The following MYOF variants were observed in gnomAD, a reference collection of about 807,000 sequenced individuals.
MYOF encodes fer-1-like 3, myoferlin.
A neutral mutation model predicts 284.2 loss-of-function variants in MYOF; 244 were observed. The ratio of observed to expected loss-of-function variants is 0.86; its 90% CI spans 0.77 to 0.95. MYOF has a LOEUF of 0.95. MYOF is among the 40% of genes least tolerant of loss of function. The probability of loss-of-function intolerance (pLI) is 0.00; values close to 1 mark genes in which losing one functional copy is unlikely to be tolerated. For missense variants in MYOF, 2,496 were observed against 2,560.6 expected, an observed-to-expected ratio of 0.97 and a Z score of 0.54; for synonymous variants, 904 against 919.7, an observed-to-expected ratio of 0.98 and a Z score of 0.31.
chr10:93,395,286 T>A (rs552649793), intron 16 of MYOF, among the ~76,000 whole-genome samples: 134 of 152,130 alleles, frequency 8.8e-4, no homozygotes, highest in African/African-American at 3.1e-3. Context: ...CTACTACAAA[T>A]ACAAAAATTA....
chr10:93,314,699 T>G (rs1842539353), intron 50 of MYOF, among the ~76,000 whole-genome samples: 1 of 152,220 alleles, frequency 6.6e-6, no homozygotes, highest in Non-Finnish European at 1.5e-5. Context: ...TGTGCTCACT[T>G]GGCATTTTGA....
Position 93,323,124 on chromosome 10 carries a change from C to T in MYOF, c.5410G>A (p.Glu1804Lys), listed in dbSNP as rs202057196. Residue 1804 changes from glutamate (E) to lysine (K), a missense_variant, in exon 48 of 54, where the codon GAG becomes AAG. Glu to Lys is a moderately conservative substitution (Grantham distance 56). This residue lies in a region of MYOF where 2,436 missense variants were observed against 2,480.7 expected (regional missense o/e 0.98). Coordinates refer to ENST00000359263, the MANE Select transcript of MYOF (RefSeq NM_013451.4). The part of the protein sequence containing the change: ...IWNTKDVILD[E>K]KSITGEEMSD... ...ATTTCCTCTCCTGTGATGCTTTTCT[C>T]GTCCAAGATAACGTCCTTGGTGTTC... 2.2e-5 allele frequency: 35 copies of T among 1,614,174 alleles called. No homozygotes were observed. The Admixed American group carries it at 3.2e-4, about 15-fold the overall frequency.
At position 93,363,920 on chromosome 10, in the gene MYOF, A is replaced by G. The variant is rs1050964633; in HGVS notation, c.2868+41T>C. The G allele has an allele frequency of 1.4e-5, 22 of 1,578,168 alleles. No homozygotes were observed. The South Asian group carries it at 2.2e-4, about 16-fold the overall frequency. On this transcript the variant is annotated intron_variant, in intron 27 of 53. Coordinates refer to ENST00000359263, the MANE Select transcript of MYOF (RefSeq NM_013451.4). ...TGGGTTCCCCGCAGATCACGATCAG[A>G]GGTGACAGGTGAGAGTTTCTCTCCG...
chr10:93,411,621 G>A (rs1354001769), intron 5 of MYOF, among the ~76,000 whole-genome samples: 1 of 152,184 alleles, frequency 6.6e-6, no homozygotes, highest in Non-Finnish European at 1.5e-5. Context: ...TCCATGGGCA[G>A]CACAGCAGGC....
chr10:93,359,065 C>T (rs540802649), intron 29 of MYOF, among the ~76,000 whole-genome samples: 1 of 152,244 alleles, frequency 6.6e-6, no homozygotes, highest in South Asian at 2.1e-4. Flanking sequence ...TCTTTGCTTC[C>T]AGAAGCTCAC....
In MYOF at chr10:93,426,102, G is replaced by T. The variant is rs1296841849; in HGVS notation, c.402C>A (p.Asp134Glu). 1.3e-6 allele frequency: 2 copies of T among 1,560,714 alleles called. No homozygotes were observed. Among genetic ancestry groups the T allele is most frequent in the East Asian group, 2.4e-5 (1 of 41,998 alleles). The stretch of plus-strand genomic sequence containing the variant: ...TGCCTGGCACGCTGGGCCCGCTCAG[G>T]TCATTTGGATGTGGAGCAGAAGGCG... The part of the protein sequence containing the change: ...YDPPSAPHPN[D>E]LSGPSVPGMG... Residue 134 changes from aspartate (D) to glutamate (E), a missense_variant, in exon 5 of 54, where the codon GAC (aspartate) becomes GAA (glutamate). Asp to Glu is a conservative substitution (Grantham distance 45). Transcript: ENST00000359263.
At chr10:93,322,989 C>T in intron 48 of MYOF, 89 bp downstream of exon 48, 1 of 1,292,280 alleles carries the variant, frequency 7.7e-7, no homozygotes, top group Non-Finnish European at 1.1e-6. Flanking sequence ...ACCAAGAATC[C>T]TATCTTGGGC....
At chr10:93,420,478 G>T (rs1442619991) in intron 5 of MYOF, among the ~76,000 whole-genome samples, 1 of 152,118 alleles carries the variant, frequency 6.6e-6, no homozygotes, top group East Asian at 1.9e-4. Flanking sequence ...GTGCCCTAAG[G>T]TCTCTACCTT....
At chr10:93,344,715 A>G (rs1396470413) in intron 37 of MYOF, among the ~76,000 whole-genome samples, 3 of 112,154 alleles carry the variant, frequency 2.7e-5, no homozygotes, top group Non-Finnish European at 5.1e-5. Context: ...CATGTATCCC[A>G]GAACTTAAAT....
intron 29 of MYOF, among the ~76,000 whole-genome samples, chr10:93,358,934 C>T (rs894301099): frequency 3.3e-5 from 5 of 151,334 alleles, no homozygotes; most frequent in African/African-American, 4.9e-5. Context: ...ACATGTATCT[C>T]GGAACTTAAA....
At chr10:93,406,382 G>A (rs2134110951) in intron 7 of MYOF, among the ~76,000 whole-genome samples, 1 of 141,642 alleles carries the variant, frequency 7.1e-6, no homozygotes, top group African/African-American at 2.5e-5. Flanking sequence ...TTAATGTACT[G>A]GACTTCTCTT....
rs764965243 is a variant in MYOF at position 93,381,381 on chromosome 10, G to A, written c.1714C>T (p.Arg572Trp). Residue 572 changes from arginine to tryptophan, a missense_variant, in exon 20 of 54, where the codon CGG becomes TGG. Transcript: ENST00000359263. ...AACACGGCAGACAGGCTGTACTTCC[G>A]CCTTCGCTGGTATTTCTATAAAGTA... ...LLVVEKYQRR[R>W]KYSLSAVFHS... 27 of 1,614,018 alleles carry A rather than the reference G, an allele frequency of 1.7e-5. No individual in the cohort carries two copies. Among genetic ancestry groups the A allele is most frequent in the Admixed American group, 1.7e-4 (10 of 59,998 alleles).
At chr10:93,449,580 T>A (rs778924964) in intron 3 of MYOF, among the ~76,000 whole-genome samples, 6 of 152,204 alleles carry the variant, frequency 3.9e-5, no homozygotes, top group African/African-American at 1.4e-4. Context: ...AGCTGAGATA[T>A]GCGACAGAAA....
intron 19 of MYOF, among the ~76,000 whole-genome samples, chr10:93,383,388 GTCTC>G (rs1455149188): frequency 6.6e-6 from 1 of 152,110 alleles, no homozygotes; most frequent in Middle Eastern, 3.2e-3. Flanking sequence ...TTTCTAAAAA[GTCTC>G]TCTAAACACT....
In MYOF at chr10:93,431,447, C is replaced by G; in HGVS notation, c.306G>C (p.Lys102Asn). 1 of 1,614,068 alleles carries G rather than the reference C, an allele frequency of 6.2e-7. No homozygotes were observed. ...CTTTTTCATTTAGCAGGGAGATCAGCTTGTACGGCAGGGATCTGCTCTGGT... is the reference window on the plus strand; with the variant it reads ...CTTTTTCATTTAGCAGGGAGATCAGGTTGTACGGCAGGGATCTGCTCTGGT... Reference protein sequence around the residue: ...TGDQSRSLPYKLISLLNEKGQ... With the variant: ...TGDQSRSLPYNLISLLNEKGQ... The change falls in exon 4 of 54, where the codon AAG (lysine) becomes AAC (asparagine). Residue 102 changes from lysine (K) to asparagine (N), a missense_variant. Physicochemically the swap from Lys to Asn is moderately conservative, Grantham distance 94. This residue lies in a region of MYOF where 2,436 missense variants were observed against 2,480.7 expected (regional missense o/e 0.98). Coordinates refer to ENST00000359263, the MANE Select transcript of MYOF (RefSeq NM_013451.4).
rs768068487 is a variant in MYOF, at chr10:93,333,324, A to C, written c.4720-12T>G. The C allele has an allele frequency of 8.7e-6, 14 of 1,608,222 alleles. No individual in the cohort carries two copies. In the South Asian group the frequency reaches 1.5e-4, roughly 18 times the overall value. ...ATGTAAGGGTCACACTGTGGGACAA[A>C]ATAGACGGGATGTTACATCATTGTA... On this transcript the variant is annotated splice_polypyrimidine_tract_variant and intron_variant, in intron 42 of 53. Coordinates refer to ENST00000359263, the MANE Select transcript of MYOF (RefSeq NM_013451.4).
intron 1 of MYOF, among the ~76,000 whole-genome samples, chr10:93,461,997 C>A (rs2056893625): frequency 6.6e-6 from 1 of 152,150 alleles, no homozygotes; most frequent in South Asian, 2.1e-4. Flanking sequence ...TCAACCAGAA[C>A]TTCCTGCAGC....
chr10:93,454,556 ACCAACC>A lies in MYOF; in HGVS notation c.144+2320_144+2325del, dbSNP rs1450170138. On this transcript the variant is annotated intron_variant, in intron 2 of 53. Transcript: ENST00000359263. The stretch of plus-strand genomic sequence containing the variant: ...TGTCAGGTGCTAGGAATCCACAATG[ACCAACC>A]CAAGGGGCCTCTTGCTCTCATGGAG... Among the ~76,000 whole-genome samples the A allele has an allele frequency of 5.3e-5, 8 of 152,290 alleles. No homozygotes were observed. The Middle Eastern group carries it at 0.01, about 194-fold the overall frequency.
chr10:93,352,299 T>A (rs1305436415), intron 32 of MYOF, among the ~76,000 whole-genome samples: 3 of 152,168 alleles, frequency 2.0e-5, no homozygotes, highest in Non-Finnish European at 4.4e-5. Flanking sequence ...TGAAATGATA[T>A]AAGGAATGTT....
Sources: gnomAD v4.1 joint callset for allele counts (sites outside exome capture counted in the v4.1 genomes callset) on GRCh38, gnomAD v4.1.1 for gene constraint, gnomAD v4.1.1 regional missense constraint, MANE v1.5 for transcripts, NCBI Gene and HGNC (gene_info 2026-07-23, HGNC 2026-07-21) for gene names.